The following SYT14 variants were observed in gnomAD, a reference collection of about 807,000 sequenced individuals.
The protein encoded by SYT14 is synaptotagmin-14.
A neutral mutation model predicts 74.2 loss-of-function variants in SYT14; 32 were observed. That is an observed-to-expected ratio of 0.43 (90% confidence interval 0.33 to 0.58). The LOEUF (loss-of-function observed/expected upper bound fraction) is 0.58. Among genes scored for constraint, SYT14 ranks in the 20% least tolerant of loss-of-function variants. The probability of loss-of-function intolerance (pLI) is 0.05; values close to 1 mark genes in which losing one functional copy is unlikely to be tolerated. For missense variants in SYT14, 791 were observed against 981.8 expected (o/e 0.81, Z 2.60); for synonymous variants, 298 against 337.7 (o/e 0.88, Z 1.29).
chr1:210,147,416 A>T (rs1013849290), intron 7 of SYT14, among the ~76,000 whole-genome samples: 6 of 152,194 alleles, frequency 3.9e-5, no homozygotes, highest in African/African-American at 1.4e-4. Context: ...TTTAAACAGG[A>T]TTATTAAAAC....
chr1:209,952,867 G>A, intron 2 of SYT14, 111 bp downstream of exon 2: 1 of 1,171,578 alleles, frequency 8.5e-7, no homozygotes, highest in East Asian at 2.4e-5. Flanking sequence ...GTAAATTTTA[G>A]TAAATATTAA....
chr1:210,079,707 T>A (rs1480860223), intron 5 of SYT14, among the ~76,000 whole-genome samples: 1 of 152,104 alleles, frequency 6.6e-6, no homozygotes, highest in African/African-American at 2.4e-5. Flanking sequence ...TTTTGAGTCA[T>A]TGGACAGTAG....
chr1:209,945,903 A>T (rs539845959), intron 1 of SYT14, among the ~76,000 whole-genome samples: 1 of 152,180 alleles, frequency 6.6e-6, no homozygotes, highest in Admixed American at 6.5e-5. Context: ...TGTTGAATGA[A>T]TCTATTGGCA....
At chr1:210,024,730 A>G (rs2080374430) in intron 5 of SYT14, among the ~76,000 whole-genome samples, 1 of 152,168 alleles carries the variant, frequency 6.6e-6, no homozygotes, top group Non-Finnish European at 1.5e-5. Flanking sequence ...ATGTGTGGAG[A>G]GAAAAGATCA....
At chr1:210,159,991 T>G (rs1403373260) in intron 9 of SYT14, among the ~76,000 whole-genome samples, 1 of 152,172 alleles carries the variant, frequency 6.6e-6, no homozygotes, top group Non-Finnish European at 1.5e-5. Context: ...ATTCTTAAAA[T>G]TTTACATTAA....
At chr1:210,057,303 G>T (rs940791351) in intron 5 of SYT14, among the ~76,000 whole-genome samples, 1 of 152,132 alleles carries the variant, frequency 6.6e-6, no homozygotes, top group Admixed American at 6.5e-5. Context: ...ATGCATCATG[G>T]CTGACTTTGT....
intron 4 of SYT14, chr1:210,017,133 ATT>A (rs1435243254): frequency 2.6e-6 from 3 of 1,135,538 alleles, no homozygotes; most frequent in Non-Finnish European, 3.2e-6. Context: ...GAGTGATTAA[ATT>A]TTCTCTTGAT....
intron 5 of SYT14, among the ~76,000 whole-genome samples, chr1:210,023,771 A>G (rs541117642): frequency 3.9e-5 from 6 of 152,364 alleles, no homozygotes; most frequent in South Asian, 2.1e-4. Context: ...AATTATTTCA[A>G]CAAGCATGGA....
In SYT14 at chr1:209,940,088, TATATC is replaced by T. The variant is rs1324272748; in HGVS notation, c.-534+1812_-534+1816del. 2.0e-5 allele frequency among the ~76,000 whole-genome samples: 3 copies of T among 152,374 alleles called. No individual in the cohort carries two copies. The East Asian group carries it at 5.8e-4, about 29-fold the overall frequency. On this transcript the variant is annotated intron_variant, in intron 1 of 9. Coordinates refer to ENST00000637265, the Ensembl canonical transcript of SYT14. ...TTTTCATAATACAAAGATCAGGAAT[TATATC>T]TTTTCTAGTTTGGCAAAGAAACTGT...
intron 2 of SYT14, among the ~76,000 whole-genome samples, chr1:209,983,396 T>C (rs967154402): frequency 1.3e-5 from 2 of 152,176 alleles, no homozygotes; most frequent in Admixed American, 6.5e-5. Context: ...TTTTCTGCCT[T>C]CTTTTTTTCC....
intron 5 of SYT14, among the ~76,000 whole-genome samples, chr1:210,070,229 A>C (rs1051202207): frequency 2.0e-5 from 3 of 152,108 alleles, no homozygotes; most frequent in African/African-American, 7.2e-5. Context: ...GTCTTGCAGG[A>C]AGGCCTGGAT....
intron 7 of SYT14, among the ~76,000 whole-genome samples, chr1:210,137,301 C>A (rs2082807568): frequency 6.6e-6 from 1 of 152,090 alleles, no homozygotes; most frequent in Non-Finnish European, 1.5e-5. Flanking sequence ...TACCATACCC[C>A]CACCAAAAAT....
intron 2 of SYT14, among the ~76,000 whole-genome samples, chr1:209,973,907 C>G (rs565426067): frequency 6.4e-4 from 98 of 152,294 alleles, no homozygotes; most frequent in African/African-American, 2.3e-3. Context: ...GCCATTCTAA[C>G]TGGTGTGAGA....
At chr1:210,043,197 G>C (rs2080825968) in intron 5 of SYT14, among the ~76,000 whole-genome samples, 1 of 152,036 alleles carries the variant, frequency 6.6e-6, no homozygotes, top group Admixed American at 6.6e-5. Context: ...CTTTTATTCT[G>C]CTTTCAAAGG....
intron 5 of SYT14, among the ~76,000 whole-genome samples, chr1:210,063,064 A>T (rs1274541542): frequency 1.3e-4 from 19 of 150,138 alleles, no homozygotes; most frequent in Non-Finnish European, 2.7e-4. Flanking sequence ...TTGACCCAAA[A>T]TTTTTATATT....
At chr1:210,089,152 A>C (rs1409306194) in intron 5 of SYT14, among the ~76,000 whole-genome samples, 2 of 151,944 alleles carry the variant, frequency 1.3e-5, no homozygotes, top group Non-Finnish European at 2.9e-5. Context: ...TTCCTGTGTT[A>C]GTTTGCTGAG....
chr1:210,143,590 G>GTA (rs2082966701), intron 7 of SYT14, among the ~76,000 whole-genome samples: 1 of 152,062 alleles, frequency 6.6e-6, no homozygotes, highest in East Asian at 1.9e-4. Context: ...CTACTAGAGA[G>GTA]TTACTTAAGT....
intron 1 of SYT14, among the ~76,000 whole-genome samples, chr1:209,950,825 GATT>G (rs1310514011): frequency 6.6e-6 from 1 of 151,960 alleles, no homozygotes; most frequent in Non-Finnish European, 1.5e-5. Context: ...AAACTGAAAT[GATT>G]ATTTAATATT....
chr1:210,018,378 C>T (rs757469823), intron 4 of SYT14, among the ~76,000 whole-genome samples: 39 of 152,246 alleles, frequency 2.6e-4, no homozygotes, highest in Non-Finnish European at 5.6e-4. Flanking sequence ...CGTGATCCAC[C>T]CGCCTCGGCC....
Sources: allele counts gnomAD v4.1 joint callset (sites outside exome capture counted in the v4.1 genomes callset), GRCh38; gene constraint gnomAD v4.1.1; transcripts MANE v1.5; gene names NCBI Gene and HGNC (gene_info 2026-07-23, HGNC 2026-07-21).